Variants in MAGI3 observed in about 807,000 individuals in gnomAD.
MAGI3 encodes membrane associated guanylate kinase, WW and PDZ domain containing 3, also known as membrane-associated guanylate kinase, WW and PDZ domain-containing protein 3.
MAGI3 carries 43 observed loss-of-function variants against 121.8 expected under a neutral mutation model. That is an observed-to-expected ratio of 0.35 (90% CI 0.28 to 0.46). The LOEUF (loss-of-function observed/expected upper bound fraction) is 0.46. Ranked by LOEUF, MAGI3 falls within the 20% of genes least tolerant of loss-of-function variation. The pLI, the probability that MAGI3 is intolerant of heterozygous loss-of-function variation, is 1.00. For synonymous variants in MAGI3, 553 were observed against 639.3 expected, an observed-to-expected ratio of 0.86 and a Z score of 2.04; for missense variants, 1,547 against 1,797.3, an observed-to-expected ratio of 0.86 and a Z score of 2.52.
chr1:113,533,715 C>T (rs1050141341), intron 1 of MAGI3, among the ~76,000 whole-genome samples: 2 of 152,010 alleles, frequency 1.3e-5, no homozygotes, highest in Admixed American at 1.3e-4. Flanking sequence ...GATAACACAC[C>T]GTGTCTTTCA....
At chr1:113,530,746 C>T (rs1046849304) in intron 1 of MAGI3, among the ~76,000 whole-genome samples, 1 of 151,842 alleles carries the variant, frequency 6.6e-6, no homozygotes, top group Non-Finnish European at 1.5e-5. Context: ...CATAGTGAAA[C>T]CCTATCTCTA....
intron 9 of MAGI3, among the ~76,000 whole-genome samples, chr1:113,640,244 G>A (rs947412479): frequency 9.9e-5 from 15 of 152,078 alleles, no homozygotes; most frequent in African/African-American, 3.4e-4. Flanking sequence ...ATGCTGGCAA[G>A]GCTGTGGAGA....
chr1:113,424,863 G>T (rs529365803), intron 1 of MAGI3, among the ~76,000 whole-genome samples: 2 of 152,328 alleles, frequency 1.3e-5, no homozygotes, highest in South Asian at 4.1e-4. Flanking sequence ...ACCAGGTGTG[G>T]TGGCTCACGC....
intron 5 of MAGI3, among the ~76,000 whole-genome samples, chr1:113,591,988 T>C (rs1338384752): frequency 6.6e-6 from 1 of 151,866 alleles, no homozygotes; most frequent in East Asian, 1.9e-4. Context: ...GAAGAAAACA[T>C]AGGGAAAAAG....
chr1:113,419,558 G>A (rs962523997), intron 1 of MAGI3, among the ~76,000 whole-genome samples: 4 of 152,168 alleles, frequency 2.6e-5, no homozygotes, highest in African/African-American at 7.2e-5. Flanking sequence ...TGGGCTGGGG[G>A]TGTAGAGTGC....
At chr1:113,479,342 G>A (rs553444466) in intron 1 of MAGI3, among the ~76,000 whole-genome samples, 1 of 152,128 alleles carries the variant, frequency 6.6e-6, no homozygotes, top group African/African-American at 2.4e-5. Flanking sequence ...ATCACGTTGG[G>A]AGCTGCAGAC....
intron 1 of MAGI3, among the ~76,000 whole-genome samples, chr1:113,538,723 G>A (rs80225308): frequency 6.6e-6 from 1 of 152,228 alleles, no homozygotes; most frequent in East Asian, 1.9e-4. Flanking sequence ...GTTGTGTCTT[G>A]TCTAGAATGA....
intron 1 of MAGI3, among the ~76,000 whole-genome samples, chr1:113,549,107 A>G (rs1478029740): frequency 1.3e-5 from 2 of 152,220 alleles, no homozygotes; most frequent in African/African-American, 4.8e-5. Context: ...TTGACTTCCA[A>G]ATATATCTGC....
intron 1 of MAGI3, among the ~76,000 whole-genome samples, chr1:113,504,188 G>A (rs1657195320): frequency 6.6e-6 from 1 of 151,816 alleles, no homozygotes; most frequent in Admixed American, 6.6e-5. Flanking sequence ...TGATTAAACA[G>A]GAAATCTAGA....
At chr1:113,570,642 G>A (rs1215367699) in intron 2 of MAGI3, among the ~76,000 whole-genome samples, 1 of 152,178 alleles carries the variant, frequency 6.6e-6, no homozygotes, top group East Asian at 1.9e-4. Context: ...GTAATGACCA[G>A]TGATGATGAG....
chr1:113,553,184 T>A (rs1659853345), intron 2 of MAGI3, among the ~76,000 whole-genome samples: 2 of 152,156 alleles, frequency 1.3e-5, no homozygotes, highest in East Asian at 3.9e-4. Context: ...AGGAATCCTA[T>A]AATTTCCTCA....
chr1:113,616,138 A>C (rs1448205247), intron 7 of MAGI3, among the ~76,000 whole-genome samples: 1 of 152,206 alleles, frequency 6.6e-6, no homozygotes, highest in Non-Finnish European at 1.5e-5. Context: ...TTATGCAAAG[A>C]TATAATATTA....
intron 1 of MAGI3, among the ~76,000 whole-genome samples, chr1:113,536,352 T>TCATCTC (rs1417025971): frequency 4.6e-5 from 7 of 152,182 alleles, no homozygotes; most frequent in African/African-American, 1.7e-4. Context: ...GTTTTCCAGA[T>TCATCTC]CATCTCCTCC....
At chr1:113,682,506 G>A (rs1268026044) in intron 20 of MAGI3, 10 of 1,309,452 alleles carry the variant, frequency 7.6e-6, no homozygotes, top group Non-Finnish European at 9.7e-6. Flanking sequence ...TTATTAATTA[G>A]TGATTTTGCC....
intron 9 of MAGI3, among the ~76,000 whole-genome samples, chr1:113,636,963 A>T (rs1336890757): frequency 6.6e-6 from 1 of 152,106 alleles, no homozygotes; most frequent in Non-Finnish European, 1.5e-5. Flanking sequence ...TGTTGAATTG[A>T]TCCCTTTACC....
intron 16 of MAGI3, among the ~76,000 whole-genome samples, chr1:113,660,689 G>A (rs558360392): frequency 8.7e-5 from 13 of 148,800 alleles, no homozygotes; most frequent in South Asian, 6.4e-4. Context: ...GTCCTGGCTC[G>A]CTGCAGTCTC....
At chr1:113,481,384 C>T (rs1056562726) in intron 1 of MAGI3, among the ~76,000 whole-genome samples, 6 of 152,130 alleles carry the variant, frequency 3.9e-5, no homozygotes, top group African/African-American at 1.4e-4. Context: ...AAATAATGAA[C>T]ACTATACATT....
chr1:113,609,532 C>G (rs1031280250), intron 6 of MAGI3, among the ~76,000 whole-genome samples: 1 of 152,046 alleles, frequency 6.6e-6, no homozygotes, highest in African/African-American at 2.4e-5. Flanking sequence ...ATTAGGAATT[C>G]GTTTTACCCT....
At chr1:113,592,967 G>A (rs1165265039) in intron 5 of MAGI3, among the ~76,000 whole-genome samples, 4 of 152,098 alleles carry the variant, frequency 2.6e-5, no homozygotes, top group African/African-American at 7.2e-5. Context: ...AGCCGAGATC[G>A]GGCCACTGCA....
Sources: allele counts gnomAD v4.1 joint callset (sites outside exome capture counted in the v4.1 genomes callset), GRCh38; gene constraint gnomAD v4.1.1; transcripts MANE v1.5; gene names NCBI Gene and HGNC (gene_info 2026-07-23, HGNC 2026-07-21).